The following UHRF2 variants were observed in gnomAD, a reference collection of about 807,000 sequenced individuals.
UHRF2 encodes the protein ubiquitin like with PHD and ring finger domains 2.
UHRF2 carries 23 observed loss-of-function variants against 96.8 expected under a neutral mutation model. That is an observed-to-expected ratio of 0.24 (90% CI 0.17 to 0.34). The LOEUF (loss-of-function observed/expected upper bound fraction) is 0.34, where lower values mean the gene tolerates loss of function less well. UHRF2 is among the 10% of genes least tolerant of loss of function. UHRF2 has a pLI of 1.00. For missense variants in UHRF2, 685 were observed against 981.5 expected (o/e 0.70, Z 4.04); for synonymous variants, 385 against 332.6 (o/e 1.16, Z -1.72).
At chr9:6,503,446 A>G (rs1816403974) in intron 14 of UHRF2, among the ~76,000 whole-genome samples, 1 of 152,058 alleles carries the variant, frequency 6.6e-6, no homozygotes, top group Non-Finnish European at 1.5e-5. Context: ...GGAGCCAGTA[A>G]TGGCTTTTGA....
intron 3 of UHRF2, among the ~76,000 whole-genome samples, chr9:6,442,426 A>G (rs976214782): frequency 1.6e-4 from 24 of 151,918 alleles, no homozygotes; most frequent in African/African-American, 5.3e-4. Flanking sequence ...CAATCAGTTC[A>G]AAAGTTCTCT....
chr9:6,496,339 A>T (rs1824965698), intron 10 of UHRF2: 1 of 152,198 alleles, frequency 6.6e-6, no homozygotes, highest in South Asian at 2.1e-4. Context: ...TTTTAAACTG[A>T]TTCTAAAATT....
chr9:6,469,867 G>T (rs546934309), intron 4 of UHRF2, among the ~76,000 whole-genome samples: 1 of 151,660 alleles, frequency 6.6e-6, no homozygotes, highest in Non-Finnish European at 1.5e-5. Context: ...AAATATAGTA[G>T]CCCAAAATTT....
chr9:6,502,078 G>C (rs922349106), intron 14 of UHRF2, among the ~76,000 whole-genome samples: 1 of 152,148 alleles, frequency 6.6e-6, no homozygotes, highest in African/African-American at 2.4e-5. Context: ...ATTCTCTTCA[G>C]ATAAGCCAGG....
At chr9:6,440,824 A>G (rs1314160162) in intron 3 of UHRF2, among the ~76,000 whole-genome samples, 1 of 152,198 alleles carries the variant, frequency 6.6e-6, no homozygotes, top group Non-Finnish European at 1.5e-5. Context: ...TTTCAAAATA[A>G]TCGGTGCATG....
chr9:6,414,319 A>G (rs929950867), intron 1 of UHRF2, among the ~76,000 whole-genome samples: 1 of 152,178 alleles, frequency 6.6e-6, no homozygotes, highest in African/African-American at 2.4e-5. Context: ...GGGTTTACGA[A>G]TGCCCTATAT....
In UHRF2 at chr9:6,433,546, T is replaced by C. The variant is rs548429365; in HGVS notation, c.385-368T>C. Among the ~76,000 whole-genome samples, 8 of 152,330 alleles carry C rather than the reference T, an allele frequency of 5.3e-5. No individual in the cohort carries two copies. In the East Asian group the frequency reaches 1.5e-3, roughly 29 times the overall value. On this transcript the variant is annotated intron_variant, in intron 2 of 15. Coordinates refer to ENST00000276893, the MANE Select transcript of UHRF2 (RefSeq NM_152896.3). ...TTATGAAGAAATTAATGGAACAGAT[T>C]AGTCATATTAGCTTAAAGTCCTGGC...
chr9:6,454,513 G>A (rs1488674412), intron 3 of UHRF2, among the ~76,000 whole-genome samples: 1 of 152,164 alleles, frequency 6.6e-6, no homozygotes, highest in Non-Finnish European at 1.5e-5. Context: ...TCCTATGTCA[G>A]AACTACGTGA....
At chr9:6,500,798 C>A in intron 14 of UHRF2, 89 bp downstream of exon 14, 1 of 1,259,388 alleles carries the variant, frequency 7.9e-7, no homozygotes, top group Non-Finnish European at 1.1e-6. Flanking sequence ...ACACATCAGT[C>A]AAAACTTCAT....
At chr9:6,494,330 TG>T (rs1373841007) in intron 10 of UHRF2, 1 of 172,710 alleles carries the variant, frequency 5.8e-6, no homozygotes, top group African/African-American at 2.4e-5. Context: ...GCCACATTTA[TG>T]TACATAAATG....
chr9:6,454,148 A>G (rs980028839), intron 3 of UHRF2, among the ~76,000 whole-genome samples: 11 of 152,230 alleles, frequency 7.2e-5, no homozygotes, highest in African/African-American at 2.7e-4. Context: ...ATATAGTCCA[A>G]AAGATTTGGT....
chr9:6,480,526 T>C (rs150296550), intron 6 of UHRF2, among the ~76,000 whole-genome samples: 115 of 152,350 alleles, frequency 7.5e-4, no homozygotes, highest in African/African-American at 2.5e-3. Flanking sequence ...TCAAGGTCTT[T>C]CGCTTCACCT....
At chr9:6,478,417 A>G (rs1435286370) in intron 6 of UHRF2, among the ~76,000 whole-genome samples, 1 of 152,152 alleles carries the variant, frequency 6.6e-6, no homozygotes, top group African/African-American at 2.4e-5. Context: ...AATAGTACTT[A>G]ATATTTACTA....
At chr9:6,480,958 T>C (rs1277327991) in intron 6 of UHRF2, among the ~76,000 whole-genome samples, 1 of 152,202 alleles carries the variant, frequency 6.6e-6, no homozygotes. Context: ...TTAAGATTAA[T>C]TGGGCAGTAG....
intron 9 of UHRF2, chr9:6,492,287 A>G (rs1824709565): frequency 1.6e-6 from 2 of 1,227,284 alleles, no homozygotes; most frequent in South Asian, 1.3e-5. Context: ...TGGCACTCCC[A>G]TAATAACTTG....
intron 10 of UHRF2, chr9:6,495,147 C>T (rs973704026): frequency 1.3e-5 from 2 of 152,130 alleles, no homozygotes; most frequent in East Asian, 3.8e-4. Flanking sequence ...GATAATTTTG[C>T]TTGAAAGGAA....
intron 11 of UHRF2, among the ~76,000 whole-genome samples, chr9:6,497,628 G>C (rs752875334): frequency 3.5e-4 from 53 of 151,740 alleles, no homozygotes; most frequent in Non-Finnish European, 6.9e-4. Context: ...AGCCATTTAA[G>C]TAACTGGCTG....
chr9:6,458,792 C>T (rs1822339139), intron 3 of UHRF2, among the ~76,000 whole-genome samples: 1 of 152,186 alleles, frequency 6.6e-6, no homozygotes, highest in Admixed American at 6.5e-5. Flanking sequence ...GCACTGTTCA[C>T]AACAGCAAAG....
chr9:6,467,595 G>GT (rs34366483), intron 4 of UHRF2, among the ~76,000 whole-genome samples: 15,618 of 98,934 alleles, frequency 0.16, 1,228 homozygotes, highest in East Asian at 0.26. Flanking sequence ...CGAGAGAATA[G>GT]TTTTTTTTTT....
Sources: allele counts gnomAD v4.1 joint callset (sites outside exome capture counted in the v4.1 genomes callset), GRCh38; gene constraint gnomAD v4.1.1; transcripts MANE v1.5; gene names NCBI Gene and HGNC (gene_info 2026-07-23, HGNC 2026-07-21).